Variants in PPIG observed in about 807,000 individuals in gnomAD.
PPIG encodes peptidyl-prolyl cis-trans isomerase G.
PPIG carries 26 observed loss-of-function variants against 87.9 expected under a neutral mutation model. The ratio of observed to expected loss-of-function variants is 0.30; its 90% CI spans 0.22 to 0.41. PPIG has a LOEUF of 0.41. PPIG is among the 10% of genes least tolerant of loss of function. PPIG has a pLI of 1.00. For missense variants in PPIG, 722 were observed against 879.4 expected (o/e 0.82, Z 2.26); for synonymous variants, 308 against 276.5 (o/e 1.11, Z -1.13).
chr2:169,633,599 C>T (rs977626101), intron 12 of PPIG: 15 of 307,106 alleles, frequency 4.9e-5, no homozygotes, highest in Non-Finnish European at 8.7e-5. Context: ...AGAGTGTCCT[C>T]ATCAGAATTT....
chr2:169,629,616 CCTTA>C (rs934134656), intron 9 of PPIG, among the ~76,000 whole-genome samples: 4 of 152,120 alleles, frequency 2.6e-5, no homozygotes, highest in Non-Finnish European at 4.4e-5. Flanking sequence ...CTAATTGAGT[CCTTA>C]CTGTGTTATG....
chr2:169,601,955 T>C (rs1478158492), intron 1 of PPIG, among the ~76,000 whole-genome samples: 3 of 151,960 alleles, frequency 2.0e-5, no homozygotes, highest in Non-Finnish European at 4.4e-5. Context: ...TTTGAAGTGG[T>C]AATAGTTTGG....
At chr2:169,585,641 A>G (rs1389285952) in intron 1 of PPIG, among the ~76,000 whole-genome samples, 1 of 152,168 alleles carries the variant, frequency 6.6e-6, no homozygotes, top group Non-Finnish European at 1.5e-5. Flanking sequence ...CTATAAAAGC[A>G]CCATTTTGTG....
chr2:169,598,544 G>T (rs1685085965), intron 1 of PPIG, among the ~76,000 whole-genome samples: 1 of 152,032 alleles, frequency 6.6e-6, no homozygotes, highest in African/African-American at 2.4e-5. Flanking sequence ...ACCCAAAGCG[G>T]CCTCCCAAAA....
intron 11 of PPIG, 61 bp from the exon 12 acceptor site, chr2:169,633,099 C>T: frequency 1.6e-6 from 2 of 1,244,260 alleles, no homozygotes; most frequent in East Asian, 4.6e-5. Flanking sequence ...ATTAAAGTAA[C>T]ATGTCTGGCC....
Position 169,637,677 on chromosome 2 carries a change from T to C in PPIG, c.*154T>C, listed in dbSNP as rs919961734. ...TAATGTGGATTTCATTGAGTTGATT[T>C]TTTGATAATCTGCAATCTGGATAAT... On this transcript the variant is annotated 3_prime_UTR_variant, in exon 14 of 14. Transcript: ENST00000260970. 2 of 789,846 alleles carry C rather than the reference T, an allele frequency of 2.5e-6. No individual in the cohort carries two copies. The highest frequency in any genetic ancestry group is 3.8e-6 in the Non-Finnish European group (2 of 532,920). The allele number at this position is 789,846 out of a possible 1,614,324, so 48.9% of individuals were successfully genotyped here. A position where few individuals can be genotyped will look rare whatever the true frequency, so the allele number is the denominator to read the frequency against.
chr2:169,607,151 A>G lies in PPIG; in HGVS notation c.289+3A>G. 1 of 1,518,784 alleles carries G rather than the reference A, an allele frequency of 6.6e-7. No individual in the cohort carries two copies. The highest frequency in any genetic ancestry group is 9.1e-7 in the Non-Finnish European group (1 of 1,101,662). 94.1% of individuals were successfully genotyped at this position (1,518,784 alleles called of 1,614,324 possible). A position where few individuals can be genotyped will look rare whatever the true frequency, so the allele number is the denominator to read the frequency against. On this transcript the variant is annotated splice_donor_region_variant and intron_variant, in intron 6 of 13. Transcript: ENST00000260970. ...TATCTATGGAGGATTTTTTGAAGGT[A>G]AAAATGTTTACATTTATATTATGTT... is the stretch of plus-strand genomic sequence containing the variant.
chr2:169,620,102 A>G (rs1685705524), intron 9 of PPIG, among the ~76,000 whole-genome samples: 1 of 151,650 alleles, frequency 6.6e-6, no homozygotes, highest in South Asian at 2.1e-4. Flanking sequence ...CATTTGTCTT[A>G]TTTTTGCTTT....
At chr2:169,621,897 G>A (rs2105508406) in intron 9 of PPIG, among the ~76,000 whole-genome samples, 1 of 150,024 alleles carries the variant, frequency 6.7e-6, no homozygotes, top group South Asian at 2.1e-4. Flanking sequence ...TTTCAGACCA[G>A]CCTGGGCAAC....
At chr2:169,630,459 A>G (rs1013659175) in intron 9 of PPIG, among the ~76,000 whole-genome samples, 8 of 152,186 alleles carry the variant, frequency 5.3e-5, no homozygotes, top group African/African-American at 9.6e-5. Context: ...AGATTAGAAC[A>G]TGGGACTCTT....
At chr2:169,592,156 T>C (rs1226415527) in intron 1 of PPIG, among the ~76,000 whole-genome samples, 1 of 151,388 alleles carries the variant, frequency 6.6e-6, no homozygotes, top group Non-Finnish European at 1.5e-5. Context: ...ATGGATATTT[T>C]ATTTAAAATT....
chr2:169,637,190 C>T lies in PPIG; in HGVS notation c.1932C>T (p.Tyr644=). The T allele has an allele frequency of 1.2e-6, 2 of 1,613,224 alleles. No individual in the cohort carries two copies. The highest frequency in any genetic ancestry group is 1.1e-5 in the South Asian group (1 of 91,000). Residue 644 remains tyrosine, a synonymous_variant, in exon 14 of 14, where the codon TAC becomes TAT. Transcript: ENST00000260970. ...EESQSRNKDK[Y]RNQESKSSHR... ...GTCAAAGCAGAAACAAAGACAAATA[C>T]AGAAACCAAGAGAGTAAGAGCTCAC...
chr2:169,590,848 T>G (rs2592802), intron 1 of PPIG, among the ~76,000 whole-genome samples: 2 of 150,760 alleles, frequency 1.3e-5, no homozygotes, highest in African/African-American at 4.9e-5. Context: ...CACAAAAAAA[T>G]TTTTAAAAAT....
intron 9 of PPIG, among the ~76,000 whole-genome samples, chr2:169,620,054 C>T (rs1445445476): frequency 1.3e-5 from 2 of 152,026 alleles, no homozygotes; most frequent in African/African-American, 4.8e-5. Flanking sequence ...TTGATTGTTT[C>T]TTTGGCTGTG....
At chr2:169,594,002 G>A (rs1238460275) in intron 1 of PPIG, among the ~76,000 whole-genome samples, 1 of 151,940 alleles carries the variant, frequency 6.6e-6, no homozygotes, top group African/African-American at 2.4e-5. Flanking sequence ...ATCTTCATAA[G>A]CATTGCTTTA....
chr2:169,636,316 C>A (rs905795600), intron 13 of PPIG, 88 bp downstream of exon 13: 6 of 1,474,198 alleles, frequency 4.1e-6, no homozygotes, highest in African/African-American at 1.4e-5. Flanking sequence ...TTAGTTATTG[C>A]TGAATACCTT....
intron 1 of PPIG, among the ~76,000 whole-genome samples, chr2:169,585,948 G>T (rs1684691611): frequency 6.6e-6 from 1 of 151,938 alleles, no homozygotes; most frequent in Non-Finnish European, 1.5e-5. Flanking sequence ...ACGGGTGGGG[G>T]GGTGAACATT....
chr2:169,606,950 G>A (rs1428148530), intron 5 of PPIG, among the ~76,000 whole-genome samples, 154 bp from the exon 6 acceptor site: 1 of 152,028 alleles, frequency 6.6e-6, no homozygotes, highest in Non-Finnish European at 1.5e-5. Flanking sequence ...GGACCTTGTC[G>A]TTATTGACAT....
At chr2:169,608,483 C>G (rs1046010014) in intron 6 of PPIG, among the ~76,000 whole-genome samples, 188 bp from the exon 7 acceptor site, 1 of 148,844 alleles carries the variant, frequency 6.7e-6, no homozygotes, top group Non-Finnish European at 1.5e-5. Flanking sequence ...GAGCGAGACT[C>G]CATCTCAAAA....
Sources: allele counts gnomAD v4.1 joint callset (sites outside exome capture counted in the v4.1 genomes callset), GRCh38; gene constraint gnomAD v4.1.1; transcripts MANE v1.5; gene names NCBI Gene and HGNC (gene_info 2026-07-23, HGNC 2026-07-21).